VAPA: variants seen among roughly 807,000 people sequenced by gnomAD.
The protein encoded by VAPA is vesicle-associated membrane protein-associated protein A.
A neutral mutation model predicts 25.6 loss-of-function variants in VAPA; 6 were observed. The observed-to-expected ratio is 0.23, with a 90% CI of 0.13 to 0.46. The LOEUF is 0.46. Among genes scored for constraint, VAPA ranks in the 20% least tolerant of loss-of-function variants. The pLI is 0.99. For synonymous variants in VAPA, 112 were observed against 106.2 expected (o/e 1.05, Z -0.34); for missense variants, 244 against 302.1 (o/e 0.81, Z 1.43).
intron 1 of VAPA, 177 bp downstream of exon 1, chr18:9,914,512 T>G: frequency 7.3e-6 from 3 of 413,294 alleles, no homozygotes. Flanking sequence ...GGCCTGCCCC[T>G]TGCTCCGGCC....
intron 4 of VAPA, among the ~76,000 whole-genome samples, chr18:9,944,648 G>C (rs952424050): frequency 9.9e-5 from 15 of 152,162 alleles, no homozygotes; most frequent in Non-Finnish European, 1.8e-4. Flanking sequence ...ACAATGTAAG[G>C]CTGGCATAAA....
intron 1 of VAPA, among the ~76,000 whole-genome samples, chr18:9,923,578 A>C (rs559246409): frequency 1.6e-4 from 25 of 152,322 alleles, no homozygotes; most frequent in African/African-American, 6.0e-4. Context: ...ATAATATGAC[A>C]TGGAGTGACT....
At chr18:9,916,327 G>T (rs1325931210) in intron 1 of VAPA, among the ~76,000 whole-genome samples, 2 of 152,208 alleles carry the variant, frequency 1.3e-5, no homozygotes, top group Admixed American at 1.3e-4. Context: ...AGACTAGCCA[G>T]GGAAGCAGAA....
rs905001436 is a variant in VAPA, at chr18:9,914,070, G to C, written c.-187G>C. On this transcript the variant is annotated 5_prime_UTR_variant, in exon 1 of 6. Coordinates refer to ENST00000400000, the MANE Select transcript of VAPA (RefSeq NM_194434.3). ...GCTGGTGTGGGGTTGAGTCAGTTGT[G>C]GGACCCGGAGCTGCTGACCCAGCGG... The C allele has an allele frequency of 4.4e-5, 23 of 525,140 alleles. No homozygotes were observed. Among genetic ancestry groups the C allele is most frequent in the Non-Finnish European group, 7.0e-5 (21 of 300,374 alleles). 32.5% of individuals were successfully genotyped at this position (525,140 alleles called of 1,614,324 possible). A position where few individuals can be genotyped will look rare whatever the true frequency, so the allele number is the denominator to read the frequency against.
intron 1 of VAPA, among the ~76,000 whole-genome samples, chr18:9,918,492 C>A (rs1038861913): frequency 6.6e-6 from 1 of 152,188 alleles, no homozygotes; most frequent in Non-Finnish European, 1.5e-5. Flanking sequence ...TGACCTCCCC[C>A]TGGCTCTTGA....
At position 9,945,702 on chromosome 18, in the gene VAPA, G is replaced by A. The variant is rs140120519; in HGVS notation, c.418-4693G>A. Among the ~76,000 whole-genome samples the A allele has an allele frequency of 8.5e-5, 13 of 152,110 alleles. No individual in the cohort carries two copies. In the East Asian group the frequency reaches 1.9e-3, roughly 23 times the overall value. On this transcript the variant is annotated intron_variant, in intron 4 of 5. Coordinates refer to ENST00000400000, the MANE Select transcript of VAPA (RefSeq NM_194434.3). ...AACAGATTGTTTATACTTTGATTTG[G>A]TTTTGCAGATGATATGCATACTAAG...
intron 1 of VAPA, among the ~76,000 whole-genome samples, chr18:9,919,522 A>G (rs1006599267): frequency 1.3e-5 from 2 of 152,246 alleles, no homozygotes; most frequent in Non-Finnish European, 2.9e-5. Context: ...ATATAGTGCT[A>G]CGAGAATGTA....
Position 9,936,835 on chromosome 18 carries a change from A to G in VAPA, c.337-151A>G, listed in dbSNP as rs1348751932. 3 of 591,692 alleles carry G rather than the reference A, an allele frequency of 5.1e-6. No homozygotes were observed. The African/African-American group carries it at 5.7e-5, about 11-fold the overall frequency. 36.7% of individuals were successfully genotyped at this position (591,692 alleles called of 1,614,324 possible). A position where few individuals can be genotyped will look rare whatever the true frequency, so the allele number is the denominator to read the frequency against. On this transcript the variant is annotated intron_variant, in intron 3 of 5. Transcript: ENST00000400000. ...TATAAAGGTTCTGTGACATTAGCCG[A>G]TAACAATGGCAGGGTGATCAATAAA...
In VAPA at chr18:9,936,115, C is replaced by A; in HGVS notation, c.238C>A (p.Leu80Ile). 6.2e-7 allele frequency: 1 copy of A among 1,601,650 alleles called. No individual in the cohort carries two copies. Among genetic ancestry groups the A allele is most frequent in the Non-Finnish European group, 8.5e-7 (1 of 1,173,958 alleles). ...ATCCTTTTTTTCTTATTTAGTAATG[C>A]TACAGCCCTTTGACTATGATCCGAA... is the stretch of plus-strand genomic sequence containing the variant. ...PGSTVTVSVM[L>I]QPFDYDPNEK... The change falls in exon 3 of 6, where the codon CTA (leucine) becomes ATA (isoleucine). Residue 80 changes from leucine to isoleucine, a missense_variant. Physicochemically the swap from Leu to Ile is conservative, Grantham distance 5. Coordinates refer to ENST00000400000, the MANE Select transcript of VAPA (RefSeq NM_194434.3).
rs2069588090 is a variant in VAPA, at chr18:9,959,813, C to T, written c.*5602C>T. 6.9e-6 allele frequency: 1 copy of T among 145,834 alleles called. No individual in the cohort carries two copies. Among genetic ancestry groups the T allele is most frequent in the East Asian group, 2.1e-4 (1 of 4,840 alleles). The allele number at this position is 145,834 out of a possible 1,614,324, so 9.0% of individuals were successfully genotyped here. ...TTTTCGAGCAATAAGAATTCCTATT[C>T]TTGTTTCAAATAGAGGTTTGTTAGG... On this transcript the variant is annotated 3_prime_UTR_variant, in exon 6 of 6. Coordinates refer to ENST00000400000, the MANE Select transcript of VAPA (RefSeq NM_194434.3).
chr18:9,938,161 AAAC>A (rs1039422118), intron 4 of VAPA, among the ~76,000 whole-genome samples: 1 of 152,202 alleles, frequency 6.6e-6, no homozygotes, highest in African/African-American at 2.4e-5. Context: ...GAAACCAAGA[AAAC>A]AAAACAGCAT....
chr18:9,918,038 A>G (rs1314463102), intron 1 of VAPA, among the ~76,000 whole-genome samples: 2 of 152,162 alleles, frequency 1.3e-5, no homozygotes, highest in South Asian at 2.1e-4. Context: ...CATCTCTTCC[A>G]TGATGTGCCT....
intron 2 of VAPA, 103 bp from the exon 3 acceptor site, chr18:9,936,007 A>T: frequency 1.3e-6 from 1 of 759,954 alleles, no homozygotes; most frequent in Non-Finnish European, 2.0e-6. Context: ...GATACGGTTT[A>T]AGGCAAATCC....
chr18:9,923,948 C>G (rs2069178429), intron 1 of VAPA: 1 of 171,534 alleles, frequency 5.8e-6, no homozygotes, highest in Non-Finnish European at 1.2e-5. Flanking sequence ...TGAACGCGCC[C>G]CATCTCGTCT....
chr18:9,944,954 G>C, intron 4 of VAPA: 1 of 1,614,154 alleles, frequency 6.2e-7, no homozygotes, highest in South Asian at 1.1e-5. Context: ...TGCTCCGACT[G>C]TCACTTCAAT....
intron 1 of VAPA, chr18:9,915,146 A>G (rs1261042002): frequency 6.6e-6 from 1 of 152,290 alleles, no homozygotes; most frequent in East Asian, 1.9e-4. Context: ...GCCTTCTACG[A>G]CATTTCAGTG....
intron 1 of VAPA, among the ~76,000 whole-genome samples, chr18:9,915,538 G>A (rs2069105576): frequency 1.3e-5 from 2 of 152,102 alleles, no homozygotes; most frequent in South Asian, 4.1e-4. Flanking sequence ...AGTGAGTCCC[G>A]TTTTGGAAGT....
At chr18:9,921,932 G>C (rs2069160029) in intron 1 of VAPA, among the ~76,000 whole-genome samples, 1 of 151,970 alleles carries the variant, frequency 6.6e-6, no homozygotes, top group African/African-American at 2.4e-5. Context: ...TTTAATAATT[G>C]ACATTTTACT....
At chr18:9,929,285 G>A (rs186685735) in intron 1 of VAPA, among the ~76,000 whole-genome samples, 42 of 152,190 alleles carry the variant, frequency 2.8e-4, no homozygotes, top group Middle Eastern at 3.4e-3. Context: ...AATGTCTACC[G>A]TCCTGTTTCC....
Sources: gnomAD v4.1 joint callset for allele counts (sites outside exome capture counted in the v4.1 genomes callset) on GRCh38, gnomAD v4.1.1 for gene constraint, MANE v1.5 for transcripts, NCBI Gene and HGNC (gene_info 2026-07-23, HGNC 2026-07-21) for gene names.